TNS1: variants seen among roughly 807,000 people sequenced by gnomAD.
TNS1 encodes tensin-1.
Under a neutral mutation model 168.6 loss-of-function variants are expected in TNS1, and 62 were observed. The observed-to-expected ratio is 0.37, with a 90% CI of 0.30 to 0.45. The LOEUF (loss-of-function observed/expected upper bound fraction) is 0.45. Among genes scored for constraint, TNS1 ranks in the 20% least tolerant of loss-of-function variants. The probability of loss-of-function intolerance (pLI) is 1.00; values close to 1 mark genes in which losing one functional copy is unlikely to be tolerated. For synonymous variants in TNS1, 934 were observed against 933.2 expected (o/e 1.00, Z -0.02); for missense variants, 2,240 against 2,339.4 (o/e 0.96, Z 0.88).
chr2:217,940,646 C>T (rs746793251), intron 3 of TNS1, among the ~76,000 whole-genome samples: 1 of 152,204 alleles, frequency 6.6e-6, no homozygotes, highest in Non-Finnish European at 1.5e-5. Flanking sequence ...GAAACCAAGA[C>T]TGTGAGGGGG....
rs550850870 is a variant in TNS1 at position 218,032,607 on chromosome 2, G to A, written c.156+1213C>T. ...TAGCCACTGACTCTTGGCTTTTGAG[G>A]GGATCAGCACCCAGGAGATGTTTAT... On this transcript the variant is annotated intron_variant, in intron 1 of 1. Transcript: ENST00000649572. The surrounding 1 kb of genome is among the most constrained non-coding windows in gnomAD (Gnocchi z 4.0). 2.0e-5 allele frequency among the ~76,000 whole-genome samples: 3 copies of A among 152,258 alleles called. No individual in the cohort carries two copies. Among genetic ancestry groups the A allele is most frequent in the Admixed American group, 1.3e-4 (2 of 15,302 alleles).
intron 6 of TNS1, among the ~76,000 whole-genome samples, chr2:217,901,187 G>T (rs1048732820): frequency 2.0e-5 from 3 of 152,178 alleles, no homozygotes; most frequent in African/African-American, 4.8e-5. Flanking sequence ...CAGCAGGATG[G>T]CATGGCGGGT....
intron 1 of TNS1, among the ~76,000 whole-genome samples, chr2:218,027,224 G>A (rs1958856163): frequency 6.6e-6 from 1 of 152,058 alleles, no homozygotes; most frequent in African/African-American, 2.4e-5. Context: ...GCCAGGGATA[G>A]TTTAAATCAT....
chr2:217,850,350 C>G (rs1947293180), intron 18 of TNS1: 1 of 985,132 alleles, frequency 1.0e-6, no homozygotes, highest in Non-Finnish European at 1.2e-6. Flanking sequence ...GGAGGGGAAG[C>G]GTCTTAGGGA....
intron 1 of TNS1, among the ~76,000 whole-genome samples, chr2:218,031,374 C>T (rs796201425): frequency 1.4e-5 from 2 of 145,530 alleles, no homozygotes; most frequent in African/African-American, 5.2e-5. Context: ...GTGAGCATGT[C>T]TGTGTGTGTA....
chr2:217,858,422 C>G, intron 18 of TNS1: 3 of 764,658 alleles, frequency 3.9e-6, no homozygotes, highest in Non-Finnish European at 4.8e-6. Context: ...CACGAGCACC[C>G]CAGCCCAGAT....
intron 3 of TNS1, among the ~76,000 whole-genome samples, chr2:217,957,840 CAAAAAA>C (rs35149245): frequency 4.0e-5 from 3 of 74,216 alleles, no homozygotes; most frequent in East Asian, 3.2e-4. Context: ...AGTACTCCCG[CAAAAAA>C]AAAAAAAAAA....
At chr2:218,027,101 C>T (rs1958855165) in intron 1 of TNS1, among the ~76,000 whole-genome samples, 1 of 151,856 alleles carries the variant, frequency 6.6e-6, no homozygotes, top group Admixed American at 6.6e-5. Flanking sequence ...TGTACCGCAC[C>T]CCACCCCACA....
At chr2:217,958,386 C>CCGT (rs2125995174) in intron 3 of TNS1, among the ~76,000 whole-genome samples, 1 of 152,330 alleles carries the variant, frequency 6.6e-6, no homozygotes, top group Non-Finnish European at 1.5e-5. Context: ...TCTTCCCAAA[C>CCGT]CGTCGTCTGC....
At chr2:217,876,329 C>G (rs1422539564) in intron 18 of TNS1, among the ~76,000 whole-genome samples, 1 of 152,186 alleles carries the variant, frequency 6.6e-6, no homozygotes, top group Admixed American at 6.5e-5. Context: ...CCATGGGGAC[C>G]TGGAATCTGG....
intron 22 of TNS1, among the ~76,000 whole-genome samples, chr2:217,827,187 G>A (rs1943744004): frequency 6.6e-6 from 1 of 152,080 alleles, no homozygotes; most frequent in Admixed American, 6.6e-5. Flanking sequence ...CCAAAGCCTG[G>A]CAAACAGTCA....
intron 1 of TNS1, among the ~76,000 whole-genome samples, chr2:218,015,919 A>T (rs1183716745): frequency 1.3e-5 from 2 of 152,210 alleles, no homozygotes; most frequent in Non-Finnish European, 2.9e-5. Context: ...CAGACCTAGG[A>T]GCTGGGCGCT....
chr2:217,952,780 T>A (rs532982718), intron 3 of TNS1, among the ~76,000 whole-genome samples: 2 of 152,284 alleles, frequency 1.3e-5, no homozygotes, highest in African/African-American at 4.8e-5. Flanking sequence ...CCTGGTCTCA[T>A]GGATGCGAAC....
At chr2:217,829,783 C>T in intron 22 of TNS1, 3 of 1,520,586 alleles carry the variant, frequency 2.0e-6, no homozygotes, top group Non-Finnish European at 2.6e-6. Context: ...CTCTTCAAGC[C>T]CTGCTTTGAA....
intron 18 of TNS1, among the ~76,000 whole-genome samples, chr2:217,861,784 T>C (rs1948804585): frequency 6.6e-6 from 1 of 152,226 alleles, no homozygotes; most frequent in Admixed American, 6.5e-5. Context: ...AACACAGAAG[T>C]GCTCCAAAGG....
chr2:217,987,462 A>G (rs1208953084), intron 2 of TNS1, among the ~76,000 whole-genome samples: 2 of 151,358 alleles, frequency 1.3e-5, no homozygotes, highest in African/African-American at 4.9e-5. Context: ...TCTCTTTCCC[A>G]CCTCTTTTGG....
chr2:217,930,779 A>G (rs907413178), intron 3 of TNS1, among the ~76,000 whole-genome samples: 1 of 152,218 alleles, frequency 6.6e-6, no homozygotes, highest in Non-Finnish European at 1.5e-5. Flanking sequence ...AGGAGGTGTG[A>G]ACAGGCAATA....
rs546527559 is a variant in TNS1, at chr2:217,974,243, A to G, written c.186+4522T>C. ...ATCAGGATGTACGTTTGAGTTTTGTATAATTGAGAGTGTGAATTATACCCC... is the reference window on the plus strand; with the variant it reads ...ATCAGGATGTACGTTTGAGTTTTGTGTAATTGAGAGTGTGAATTATACCCC... On this transcript the variant is annotated intron_variant, in intron 3 of 32. Coordinates refer to ENST00000682258, the MANE Select transcript of TNS1 (RefSeq NM_001387777.1). Among the ~76,000 whole-genome samples the G allele has an allele frequency of 1.2e-4, 18 of 152,324 alleles. No homozygotes were observed. The South Asian group carries it at 3.7e-3, about 32-fold the overall frequency.
chr2:217,838,852 T>C (rs906410611), intron 19 of TNS1, among the ~76,000 whole-genome samples: 3 of 152,126 alleles, frequency 2.0e-5, no homozygotes, highest in African/African-American at 7.2e-5. Flanking sequence ...ACAACCAGTG[T>C]CATGGAGAGA....
Sources: allele counts gnomAD v4.1 joint callset (sites outside exome capture counted in the v4.1 genomes callset), GRCh38; gene constraint gnomAD v4.1.1; non-coding constraint Gnocchi (gnomAD v3.1); transcripts MANE v1.5; gene names NCBI Gene and HGNC (gene_info 2026-07-23, HGNC 2026-07-21).